The following WWOX variants were observed in gnomAD, a reference collection of about 807,000 sequenced individuals.
WWOX encodes the protein WW domain-containing oxidoreductase.
A neutral mutation model predicts 46.2 loss-of-function variants in WWOX; 69 were observed. That is an observed-to-expected ratio of 1.49 (90% CI 1.23 to 1.82). The LOEUF (loss-of-function observed/expected upper bound fraction) is 1.82. WWOX is among the 40% of genes most tolerant of loss of function. The pLI is 0.00. For synonymous variants in WWOX, 359 were observed against 202.6 expected (o/e 1.77, Z -6.56); for missense variants, 919 against 542.6 (o/e 1.69, Z -6.89).
chr16:78,898,674 T>G (rs2044756444), intron 8 of WWOX: 1 of 152,136 alleles, frequency 6.6e-6, no homozygotes, highest in South Asian at 2.1e-4. Context: ...TTTATTTGCT[T>G]TGGTATTGAA....
At chr16:78,377,451 T>A (rs1384911028) in intron 5 of WWOX, among the ~76,000 whole-genome samples, 1 of 152,202 alleles carries the variant, frequency 6.6e-6, no homozygotes, top group Non-Finnish European at 1.5e-5. Context: ...TCCTCTTTAC[T>A]TGCCTGCAAT....
At chr16:78,527,551 G>C (rs2738748) in intron 8 of WWOX, among the ~76,000 whole-genome samples, 124,618 of 152,130 alleles carry the variant, frequency 0.82, 52,376 homozygotes, top group East Asian at 1. Flanking sequence ...GCCTCAGCCA[G>C]CCAAAGTGCT....
intron 6 of WWOX, among the ~76,000 whole-genome samples, chr16:78,404,801 A>C (rs991692394): frequency 1.3e-5 from 2 of 152,178 alleles, no homozygotes; most frequent in South Asian, 4.1e-4. Context: ...TTGATTGTCC[A>C]TTTTATTAAA....
At chr16:78,933,218 C>T (rs7198043) in intron 8 of WWOX, among the ~76,000 whole-genome samples, 1 of 152,208 alleles carries the variant, frequency 6.6e-6, no homozygotes, top group Non-Finnish European at 1.5e-5. Flanking sequence ...GCGGGTGGAT[C>T]ACCTAAGGTC....
chr16:78,190,200 G>A (rs967408929), intron 5 of WWOX, among the ~76,000 whole-genome samples: 1 of 152,186 alleles, frequency 6.6e-6, no homozygotes, highest in African/African-American at 2.4e-5. Context: ...CCAGTCCCTA[G>A]CCTGTGGAGA....
chr16:78,690,455 G>T (rs1438292032), intron 8 of WWOX, among the ~76,000 whole-genome samples: 1 of 152,170 alleles, frequency 6.6e-6, no homozygotes, highest in East Asian at 1.9e-4. Context: ...AGGAAGCTGA[G>T]ATGGGAGGAT....
At chr16:78,969,337 TTG>T (rs2046425379) in intron 8 of WWOX, among the ~76,000 whole-genome samples, 1 of 151,944 alleles carries the variant, frequency 6.6e-6, no homozygotes, top group Admixed American at 6.6e-5. Context: ...TGGTGCTATC[TTG>T]GCCCACTGCA....
chr16:78,881,116 C>G (rs946237229), intron 8 of WWOX, among the ~76,000 whole-genome samples: 1 of 151,760 alleles, frequency 6.6e-6, no homozygotes, highest in Admixed American at 6.6e-5. Flanking sequence ...CTCAGCCTCC[C>G]AAGGGAGCTG....
intron 5 of WWOX, among the ~76,000 whole-genome samples, chr16:78,302,497 C>G (rs938570458): frequency 1.2e-4 from 18 of 152,134 alleles, no homozygotes; most frequent in Admixed American, 1.1e-3. Flanking sequence ...TATTGCCTAC[C>G]TGCAGACATG....
intron 8 of WWOX, among the ~76,000 whole-genome samples, chr16:78,444,461 T>C (rs1233050959): frequency 6.6e-6 from 1 of 152,034 alleles, no homozygotes; most frequent in Non-Finnish European, 1.5e-5. Context: ...CCTACCATCA[T>C]TTATTAAGAG....
At chr16:78,657,649 C>A (rs193017447) in intron 8 of WWOX, among the ~76,000 whole-genome samples, 44 of 152,212 alleles carry the variant, frequency 2.9e-4, no homozygotes, top group African/African-American at 1.0e-3. Flanking sequence ...TTAGTCCCCT[C>A]TTGAATTTCC....
intron 8 of WWOX, among the ~76,000 whole-genome samples, chr16:78,938,803 G>A (rs1164943835): frequency 6.6e-6 from 1 of 152,078 alleles, no homozygotes; most frequent in Non-Finnish European, 1.5e-5. Context: ...TGATAGAGAG[G>A]GGCTGGCGAG....
intron 6 of WWOX, among the ~76,000 whole-genome samples, chr16:78,389,487 G>T (rs1033219224): frequency 6.6e-6 from 1 of 152,168 alleles, no homozygotes; most frequent in Admixed American, 6.5e-5. Context: ...ATAATGACAA[G>T]AACAGCAGCG....
intron 4 of WWOX, among the ~76,000 whole-genome samples, chr16:78,130,891 C>G (rs1273659852): frequency 6.6e-6 from 1 of 152,186 alleles, no homozygotes; most frequent in Non-Finnish European, 1.5e-5. Context: ...GTGTGTCAGG[C>G]AGTGTCATCG....
intron 8 of WWOX, among the ~76,000 whole-genome samples, chr16:79,063,624 C>G (rs1421631390): frequency 6.6e-6 from 1 of 152,238 alleles, no homozygotes; most frequent in Non-Finnish European, 1.5e-5. Context: ...TAAGCCATCA[C>G]TAGAAACACT....
intron 8 of WWOX, among the ~76,000 whole-genome samples, chr16:78,867,808 G>A (rs531085394): frequency 2.6e-4 from 40 of 152,122 alleles, no homozygotes; most frequent in Middle Eastern, 3.4e-3. Flanking sequence ...TGACCTCATC[G>A]CTGCCACTGT....
At chr16:78,489,224 T>A (rs1418207962) in intron 8 of WWOX, among the ~76,000 whole-genome samples, 2 of 152,022 alleles carry the variant, frequency 1.3e-5, no homozygotes, top group Non-Finnish European at 2.9e-5. Context: ...TAATGAAGAG[T>A]TAGGTCAAGT....
chr16:79,089,720 C>T (rs1048656375), intron 8 of WWOX, among the ~76,000 whole-genome samples: 2 of 152,152 alleles, frequency 1.3e-5, no homozygotes, highest in Admixed American at 6.5e-5. Flanking sequence ...AGCGTTTAAG[C>T]ATGGTAAACA....
chr16:78,800,506 C>G lies in WWOX; in HGVS notation c.1056+367754C>G, dbSNP rs77345484. Among the ~76,000 whole-genome samples, 730 of 152,248 alleles carry G rather than the reference C, an allele frequency of 4.8e-3. 9 individuals are homozygous for G. The highest frequency in any genetic ancestry group is 0.017 in the African/African-American group (686 of 41,552). On this transcript the variant is annotated intron_variant, in intron 8 of 8. Coordinates refer to ENST00000566780, the MANE Select transcript of WWOX (RefSeq NM_016373.4). Reference sequence around the variant, plus strand: ...TTCTTTCTCCTACGAATTTGGAGGTCTAGGAACGGGGGTAAGCCTATATGG... The same window carrying G: ...TTCTTTCTCCTACGAATTTGGAGGTGTAGGAACGGGGGTAAGCCTATATGG...
Sources: gnomAD v4.1 joint callset for allele counts (sites outside exome capture counted in the v4.1 genomes callset) on GRCh38, gnomAD v4.1.1 for gene constraint, MANE v1.5 for transcripts, NCBI Gene and HGNC (gene_info 2026-07-23, HGNC 2026-07-21) for gene names.